The following COL8A1 variants were observed in gnomAD, a reference collection of about 807,000 sequenced individuals.
The protein encoded by COL8A1 is collagen alpha-1(VIII) chain.
COL8A1 carries 21 observed loss-of-function variants against 42.7 expected under a neutral mutation model. The ratio of observed to expected loss-of-function variants is 0.49; its 90% CI spans 0.35 to 0.71. The LOEUF (loss-of-function observed/expected upper bound fraction) is 0.71. Ranked by LOEUF, COL8A1 falls within the 30% of genes least tolerant of loss-of-function variation. COL8A1 has a pLI of 0.01. For synonymous variants in COL8A1, 367 were observed against 369.1 expected, an observed-to-expected ratio of 0.99 and a Z score of 0.06; for missense variants, 788 against 962.4, an observed-to-expected ratio of 0.82 and a Z score of 2.40.
intron 1 of COL8A1, among the ~76,000 whole-genome samples, chr3:99,722,402 A>G (rs1166391255): frequency 2.6e-5 from 4 of 152,162 alleles, no homozygotes; most frequent in Non-Finnish European, 5.9e-5. Flanking sequence ...ACCAAGCTGT[A>G]AACTTACACC....
At chr3:99,693,019 C>T (rs1415187873) in intron 1 of COL8A1, among the ~76,000 whole-genome samples, 1 of 152,062 alleles carries the variant, frequency 6.6e-6, no homozygotes, top group Admixed American at 6.5e-5. Context: ...ATTAGCCAGG[C>T]GTGGTGGCGT....
intron 1 of COL8A1, among the ~76,000 whole-genome samples, chr3:99,680,931 G>T (rs1220656415): frequency 1.3e-5 from 2 of 152,036 alleles, no homozygotes; most frequent in African/African-American, 4.8e-5. Flanking sequence ...AAACTGGCTA[G>T]CCATATGTAG....
chr3:99,786,036 T>C (rs2107451770), intron 2 of COL8A1, among the ~76,000 whole-genome samples: 1 of 151,586 alleles, frequency 6.6e-6, no homozygotes, highest in South Asian at 2.1e-4. Flanking sequence ...GAAATGAGTC[T>C]ATATTAGTGA....
chr3:99,792,123 C>T (rs746635875), intron 3 of COL8A1, among the ~76,000 whole-genome samples: 90 of 152,274 alleles, frequency 5.9e-4, no homozygotes, highest in African/African-American at 1.8e-3. Flanking sequence ...AAATAGCATG[C>T]CTGAATAGTA....
At chr3:99,690,326 TA>T (rs1236837675) in intron 1 of COL8A1, among the ~76,000 whole-genome samples, 1 of 152,242 alleles carries the variant, frequency 6.6e-6, no homozygotes, top group Non-Finnish European at 1.5e-5. Context: ...ATTTATGTGA[TA>T]AAAAACATTT....
intron 2 of COL8A1, among the ~76,000 whole-genome samples, chr3:99,762,347 C>T (rs184898053): frequency 1.3e-5 from 2 of 152,170 alleles, no homozygotes; most frequent in East Asian, 3.9e-4. Flanking sequence ...AAATAAAGGT[C>T]GAGATACCGT....
intron 1 of COL8A1, among the ~76,000 whole-genome samples, chr3:99,661,700 C>T (rs1938211619): frequency 6.6e-6 from 1 of 152,062 alleles, no homozygotes; most frequent in Non-Finnish European, 1.5e-5. Context: ...TTCACAGTAG[C>T]CAAAAGGTAG....
At chr3:99,710,782 G>T (rs1939812924) in intron 1 of COL8A1, among the ~76,000 whole-genome samples, 1 of 152,180 alleles carries the variant, frequency 6.6e-6, no homozygotes, top group South Asian at 2.1e-4. Context: ...CACACAAATG[G>T]CTAAGTGGTA....
chr3:99,706,694 C>T (rs937518939), intron 1 of COL8A1, among the ~76,000 whole-genome samples: 3 of 152,218 alleles, frequency 2.0e-5, no homozygotes, highest in Admixed American at 2.0e-4. Flanking sequence ...TCAATTCAGT[C>T]ATCTTGATGT....
chr3:99,721,050 G>A (rs1210582908), intron 1 of COL8A1, among the ~76,000 whole-genome samples: 2 of 151,980 alleles, frequency 1.3e-5, no homozygotes, highest in Admixed American at 1.3e-4. Context: ...TGAAAGGGCT[G>A]ATGGAGAGCA....
intron 1 of COL8A1, among the ~76,000 whole-genome samples, chr3:99,738,825 C>G (rs532520859): frequency 6.6e-6 from 1 of 152,332 alleles, no homozygotes; most frequent in South Asian, 2.1e-4. Context: ...CCCCCAGCCT[C>G]GCTGCTGCCT....
At chr3:99,727,486 T>C (rs1288692632) in intron 1 of COL8A1, among the ~76,000 whole-genome samples, 1 of 152,130 alleles carries the variant, frequency 6.6e-6, no homozygotes, top group Non-Finnish European at 1.5e-5. Flanking sequence ...TTAATTTTTG[T>C]ATAAGGTGTA....
intron 2 of COL8A1, among the ~76,000 whole-genome samples, chr3:99,747,535 G>C (rs1313007878): frequency 6.6e-6 from 1 of 152,186 alleles, no homozygotes; most frequent in Non-Finnish European, 1.5e-5. Flanking sequence ...ACTACGGAAG[G>C]GCTTTCTTGT....
At chr3:99,748,503 T>C (rs935262805) in intron 2 of COL8A1, among the ~76,000 whole-genome samples, 2 of 152,138 alleles carry the variant, frequency 1.3e-5, no homozygotes, top group African/African-American at 4.8e-5. Flanking sequence ...TATTAATAAA[T>C]ATTACCAAAT....
chr3:99,678,532 A>G (rs1938770079), intron 1 of COL8A1: 1 of 151,910 alleles, frequency 6.6e-6, no homozygotes, highest in Admixed American at 6.6e-5. Flanking sequence ...CATATTGGGC[A>G]TCTAGAAGTT....
intron 1 of COL8A1, among the ~76,000 whole-genome samples, chr3:99,725,570 C>T (rs185185685): frequency 2.7e-4 from 29 of 106,512 alleles, no homozygotes; most frequent in African/African-American, 6.9e-4. Context: ...CCCCCCTCCC[C>T]CCACCCTACA....
chr3:99,794,195 C>A lies in COL8A1; in HGVS notation c.329-35C>A. On this transcript the variant is annotated intron_variant, in intron 3 of 3. Coordinates refer to ENST00000652472, the MANE Select transcript of COL8A1 (RefSeq NM_020351.4). The surrounding 1 kb of genome is among the most constrained non-coding windows in gnomAD (Gnocchi z 4.3). ...TCTACTAATCAATCTCTCTCTCTCC[C>A]CCCATACCCCTTCTCTCTCTTCTCT... The A allele has an allele frequency of 7.2e-7, 1 of 1,380,752 alleles. No homozygotes were observed. The highest frequency in any genetic ancestry group is 9.9e-7 in the Non-Finnish European group (1 of 1,011,614). The allele number at this position is 1,380,752 out of a possible 1,614,324, so 85.5% of individuals were successfully genotyped here. A position where few individuals can be genotyped will look rare whatever the true frequency, so the allele number is the denominator to read the frequency against.
rs181269556 is a variant in COL8A1 at position 99,729,140 on chromosome 3, A to G, written c.-128-15757A>G. Among the ~76,000 whole-genome samples, 553 of 152,210 alleles carry G rather than the reference A, an allele frequency of 3.6e-3. 6 individuals are homozygous for G. The highest frequency in any genetic ancestry group is 0.013 in the African/African-American group (532 of 41,576). On this transcript the variant is annotated intron_variant, in intron 1 of 3. Transcript: ENST00000652472. Reference sequence around the variant, plus strand: ...AAAAGTATCAGAAGGATGCACTAGAATGAAAATCTTATAGGTATCTTCTGT... The same window carrying G: ...AAAAGTATCAGAAGGATGCACTAGAGTGAAAATCTTATAGGTATCTTCTGT...
chr3:99,751,058 A>G (rs1941138676), intron 2 of COL8A1, among the ~76,000 whole-genome samples: 1 of 152,208 alleles, frequency 6.6e-6, no homozygotes, highest in South Asian at 2.1e-4. Flanking sequence ...TAGAGATGCC[A>G]TTTAAAAATT....
Sources: gnomAD v4.1 joint callset for allele counts (sites outside exome capture counted in the v4.1 genomes callset) on GRCh38, gnomAD v4.1.1 for gene constraint, Gnocchi (gnomAD v3.1) non-coding constraint, MANE v1.5 for transcripts, NCBI Gene and HGNC (gene_info 2026-07-23, HGNC 2026-07-21) for gene names.